Variants in EYS observed in about 807,000 individuals in gnomAD.
The protein encoded by EYS is EGF-like photoreceptor maintenance factor.
Under a neutral mutation model 282.1 loss-of-function variants are expected in EYS, and 250 were observed. The observed-to-expected ratio is 0.89, with a 90% CI of 0.80 to 0.98. EYS has a LOEUF of 0.98. Among genes scored for constraint, EYS ranks in the 50% least tolerant of loss-of-function variants. The pLI, the probability that EYS is intolerant of heterozygous loss-of-function variation, is 0.00. For synonymous variants in EYS, 1,355 were observed against 1,282.9 expected (o/e 1.06, Z -1.20); for missense variants, 4,016 against 3,709.0 (o/e 1.08, Z -2.15).
At chr6:64,867,347 C>T (rs1410744306) in intron 19 of EYS, among the ~76,000 whole-genome samples, 1 of 151,806 alleles carries the variant, frequency 6.6e-6, no homozygotes, top group East Asian at 1.9e-4. Flanking sequence ...TAAATTTGTC[C>T]TGTCTTCTCA....
chr6:64,650,012 C>G (rs914994097), intron 22 of EYS, among the ~76,000 whole-genome samples: 3 of 151,748 alleles, frequency 2.0e-5, no homozygotes, highest in Non-Finnish European at 4.4e-5. Flanking sequence ...ATTTTAAAAT[C>G]CAAATTTAAT....
intron 12 of EYS, among the ~76,000 whole-genome samples, chr6:65,136,937 C>T (rs1436326411): frequency 6.6e-6 from 1 of 152,134 alleles, no homozygotes; most frequent in Non-Finnish European, 1.5e-5. Context: ...CCACCTCGGC[C>T]TTCCAAAGTG....
At chr6:65,429,490 G>A (rs1286250997) in intron 5 of EYS, among the ~76,000 whole-genome samples, 1 of 152,130 alleles carries the variant, frequency 6.6e-6, no homozygotes, top group Non-Finnish European at 1.5e-5. Flanking sequence ...TAGCTAAAGA[G>A]AAAGCTAAAT....
chr6:65,488,287 T>C (rs2127263737), intron 5 of EYS, among the ~76,000 whole-genome samples: 1 of 152,326 alleles, frequency 6.6e-6, no homozygotes, highest in South Asian at 2.1e-4. Flanking sequence ...TTTAGATCTC[T>C]CCTCCTTTCT....
intron 19 of EYS, among the ~76,000 whole-genome samples, chr6:64,870,142 TG>T (rs1398489786): frequency 6.6e-6 from 1 of 151,696 alleles, no homozygotes; most frequent in East Asian, 1.9e-4. Context: ...TTACACAAGA[TG>T]AGTAGGAACA....
Position 65,057,665 on chromosome 6 carries a change from A to G in EYS, c.2086T>C (p.Cys696Arg). ...ASHPCKNGAT[C>R]IDQPGNYFCQ... is the part of the protein sequence containing the mutation. ...AAGTAATTACCAGGTTGGTCAATGCAGGTGGCTCCATTTTTGCAGGGATGT... is the reference window on the plus strand; with the variant it reads ...AAGTAATTACCAGGTTGGTCAATGCGGGTGGCTCCATTTTTGCAGGGATGT... Residue 696 changes from cysteine to arginine, a missense_variant, in exon 13 of 43, where the codon TGC (cysteine) becomes CGC (arginine). Transcript: ENST00000503581. 1.0e-5 allele frequency: 16 copies of G among 1,551,288 alleles called. No individual in the cohort carries two copies. The highest frequency in any genetic ancestry group is 1.4e-5 in the Non-Finnish European group (16 of 1,146,688).
chr6:64,330,976 A>G lies in EYS; in HGVS notation c.6079-23894T>C, dbSNP rs549794153. ...TCAAGCTAAAAAGACTTAAAGGACCAGCCCTTAAAATACCAAGATGTTGAA... is the reference window on the plus strand; with the variant it reads ...TCAAGCTAAAAAGACTTAAAGGACCGGCCCTTAAAATACCAAGATGTTGAA... On this transcript the variant is annotated intron_variant, in intron 29 of 42. Coordinates refer to ENST00000503581, the MANE Select transcript of EYS (RefSeq NM_001142800.2). Among the ~76,000 whole-genome samples the G allele has an allele frequency of 6.0e-4, 91 of 152,312 alleles. 4 individuals are homozygous for G. The South Asian group carries it at 0.019, about 31-fold the overall frequency.
intron 2 of EYS, among the ~76,000 whole-genome samples, chr6:65,611,126 TTTCTC>T (rs1047818911): frequency 7.2e-5 from 11 of 151,930 alleles, no homozygotes; most frequent in African/African-American, 2.2e-4. Context: ...ATTCCACACT[TTTCTC>T]TTTTATTTTT....
chr6:65,511,984 C>CAAAAAA (rs11368301), intron 2 of EYS, among the ~76,000 whole-genome samples: 10 of 94,826 alleles, frequency 1.1e-4, no homozygotes, highest in Admixed American at 2.5e-4. Flanking sequence ...AACTCTGTCT[C>CAAAAAA]AAAAAAAAAA....
chr6:64,626,236 A>G lies in EYS; in HGVS notation c.3453T>C (p.Pro1151=). The G allele has an allele frequency of 6.5e-7, 1 of 1,529,058 alleles. No individual in the cohort carries two copies. The highest frequency in any genetic ancestry group is 8.8e-7 in the Non-Finnish European group (1 of 1,140,222). The allele number at this position is 1,529,058 out of a possible 1,614,324, so 94.7% of individuals were successfully genotyped here. ...PGHTFDCRCL[P]GFSGQFCEIN... is the part of the protein sequence containing the mutation. ...TTTCACAAAATTGACCAGAAAATCC[A>G]GGAAGACATCTAAGGAAAAAAAATG... The change falls in exon 23 of 43, where the codon CCT becomes CCC. Residue 1151 remains proline, a synonymous_variant. Coordinates refer to ENST00000503581, the MANE Select transcript of EYS (RefSeq NM_001142800.2).
chr6:64,189,736 C>T (rs1364109041), intron 31 of EYS, among the ~76,000 whole-genome samples: 2 of 152,094 alleles, frequency 1.3e-5, no homozygotes, highest in African/African-American at 2.4e-5. Context: ...GCATTAACTA[C>T]CTGAGTTTCT....
chr6:65,582,474 A>G (rs1185589635), intron 2 of EYS, among the ~76,000 whole-genome samples: 1 of 152,154 alleles, frequency 6.6e-6, no homozygotes, highest in Non-Finnish European at 1.5e-5. Context: ...CTAGTTTTCA[A>G]AGAACAAAGG....
rs570284765 is a variant in EYS, at chr6:64,794,316, C to G, written c.3443+19062G>C. Among the ~76,000 whole-genome samples, 76 of 152,186 alleles carry G rather than the reference C, an allele frequency of 5.0e-4. No homozygotes were observed. In the South Asian group the frequency reaches 0.016, roughly 31 times the overall value. Reference sequence around the variant, plus strand: ...TGTCTGATATGGTTTGGCTCTATGTCCTCACTAAAATCTCATATTGAATTG... The same window carrying G: ...TGTCTGATATGGTTTGGCTCTATGTGCTCACTAAAATCTCATATTGAATTG... On this transcript the variant is annotated intron_variant, in intron 22 of 42. Transcript: ENST00000503581.
intron 12 of EYS, among the ~76,000 whole-genome samples, chr6:65,176,748 G>C (rs1469725953): frequency 6.6e-6 from 1 of 151,584 alleles, no homozygotes; most frequent in Non-Finnish European, 1.5e-5. Context: ...AGAATTAAAT[G>C]ATTATATAAT....
chr6:64,376,114 G>A (rs1018447304), intron 29 of EYS, among the ~76,000 whole-genome samples: 6 of 152,184 alleles, frequency 3.9e-5, no homozygotes, highest in African/African-American at 1.4e-4. Flanking sequence ...TACCATAGTG[G>A]AAGAGGACAG....
chr6:65,434,599 A>G (rs543217490), intron 5 of EYS, among the ~76,000 whole-genome samples: 26 of 152,260 alleles, frequency 1.7e-4, no homozygotes, highest in East Asian at 1.2e-3. Flanking sequence ...GATTACAGGC[A>G]TGAGCCACCG....
In EYS at chr6:63,999,058, G is replaced by C; in HGVS notation, c.6834+17C>G. 6.8e-7 allele frequency: 1 copy of C among 1,462,320 alleles called. No homozygotes were observed. Among genetic ancestry groups the C allele is most frequent in the African/African-American group, 1.4e-5 (1 of 71,320 alleles). The allele number at this position is 1,462,320 out of a possible 1,614,324, so 90.6% of individuals were successfully genotyped here. On this transcript the variant is annotated intron_variant, in intron 34 of 42. Transcript: ENST00000503581. ...AGGGCACAATTAGTGTTTGGAACTG[G>C]ATATTTGCATACCTACCTGAGAGGC... is the stretch of plus-strand genomic sequence containing the variant.
intron 14 of EYS, among the ~76,000 whole-genome samples, chr6:64,975,820 T>A (rs1253365672): frequency 1.3e-5 from 2 of 151,892 alleles, no homozygotes; most frequent in Non-Finnish European, 2.9e-5. Flanking sequence ...AACATTTTTA[T>A]TACATGTTAT....
At chr6:65,372,854 G>C (rs953306522) in intron 8 of EYS, among the ~76,000 whole-genome samples, 2 of 151,720 alleles carry the variant, frequency 1.3e-5, no homozygotes, top group African/African-American at 4.8e-5. Context: ...CTGACCTACA[G>C]GGTTTTTTTA....
Sources: allele counts gnomAD v4.1 joint callset (sites outside exome capture counted in the v4.1 genomes callset), GRCh38; gene constraint gnomAD v4.1.1; transcripts MANE v1.5; gene names NCBI Gene and HGNC (gene_info 2026-07-23, HGNC 2026-07-21).